The following SRGAP1 variants were observed in gnomAD, a reference collection of about 807,000 sequenced individuals.
The protein encoded by SRGAP1 is SLIT-ROBO Rho GTPase activating protein 1.
Under a neutral mutation model 121.9 loss-of-function variants are expected in SRGAP1, and 43 were observed. That is an observed-to-expected ratio of 0.35 (90% CI 0.28 to 0.46). The LOEUF is 0.46. Ranked by LOEUF, SRGAP1 falls within the 20% of genes least tolerant of loss-of-function variation. The pLI is 1.00. For missense variants in SRGAP1, 1,102 were observed against 1,350.9 expected (o/e 0.82, Z 2.89); for synonymous variants, 447 against 485.4 (o/e 0.92, Z 1.04).
intron 6 of SRGAP1, among the ~76,000 whole-genome samples, chr12:64,050,448 C>G (rs11175241): frequency 4.6e-3 from 66 of 14,462 alleles, no homozygotes; most frequent in Admixed American, 0.02. Context: ...TAGACTTTCT[C>G]TATGTCCCTA....
At chr12:63,950,997 T>A (rs1453102574) in intron 1 of SRGAP1, among the ~76,000 whole-genome samples, 1 of 116,278 alleles carries the variant, frequency 8.6e-6, no homozygotes, top group Non-Finnish European at 1.6e-5. Flanking sequence ...AATTGTCTGA[T>A]TTTTTTTTTT....
At chr12:64,132,502 A>G (rs2036800764) in intron 21 of SRGAP1, among the ~76,000 whole-genome samples, 1 of 152,242 alleles carries the variant, frequency 6.6e-6, no homozygotes, top group African/African-American at 2.4e-5. Flanking sequence ...AAATAGGCCC[A>G]CTAGGCGTTG....
chr12:64,058,742 G>T (rs1010295057), intron 6 of SRGAP1, among the ~76,000 whole-genome samples: 2 of 151,924 alleles, frequency 1.3e-5, no homozygotes, highest in African/African-American at 4.8e-5. Flanking sequence ...GAGCTCCATA[G>T]AATTACTCTA....
At chr12:64,020,838 C>T (rs1273060205) in intron 4 of SRGAP1, among the ~76,000 whole-genome samples, 18 of 118,744 alleles carry the variant, frequency 1.5e-4, no homozygotes, top group South Asian at 5.2e-4. Flanking sequence ...AGTGAGACTC[C>T]GTCTCAAAAA....
At chr12:64,033,248 T>C (rs945287576) in intron 4 of SRGAP1, among the ~76,000 whole-genome samples, 1 of 152,170 alleles carries the variant, frequency 6.6e-6, no homozygotes, top group African/African-American at 2.4e-5. Context: ...AGACAGTGTC[T>C]TTTGTTCAAA....
At chr12:63,971,763 G>GGTGT (rs148460394) in intron 1 of SRGAP1, among the ~76,000 whole-genome samples, 36 of 148,516 alleles carry the variant, frequency 2.4e-4, no homozygotes, top group Admixed American at 4.0e-4. Flanking sequence ...TGTGTGTGTG[G>GGTGT]GTGTGTGTGT....
intron 14 of SRGAP1, 128 bp from the exon 15 acceptor site, chr12:64,097,113 T>C (rs1216082117): frequency 1.0e-6 from 1 of 968,000 alleles, no homozygotes; most frequent in Admixed American, 3.5e-5. Context: ...TTTAGTACCA[T>C]ATAATCTTTC....
chr12:63,966,844 TGAC>T (rs980560890), intron 1 of SRGAP1, among the ~76,000 whole-genome samples: 1 of 152,194 alleles, frequency 6.6e-6, no homozygotes, highest in African/African-American at 2.4e-5. Flanking sequence ...ATGAGCTTGG[TGAC>T]TGTCTTCCTT....
At chr12:64,135,614 C>A (rs902353450) in intron 21 of SRGAP1, among the ~76,000 whole-genome samples, 13 of 152,140 alleles carry the variant, frequency 8.5e-5, no homozygotes, top group Admixed American at 8.5e-4. Flanking sequence ...GTCAAATGCA[C>A]GTATTTTGCA....
intron 6 of SRGAP1, among the ~76,000 whole-genome samples, chr12:64,049,049 C>T (rs1239425527): frequency 2.0e-5 from 3 of 152,064 alleles, no homozygotes; most frequent in African/African-American, 7.2e-5. Flanking sequence ...GCCTCTGCCT[C>T]TAGGGTGTTA....
At chr12:64,002,531 G>C (rs1332508832) in intron 3 of SRGAP1, among the ~76,000 whole-genome samples, 1 of 152,140 alleles carries the variant, frequency 6.6e-6, no homozygotes, top group East Asian at 1.9e-4. Flanking sequence ...TTTCAGAAGG[G>C]GTAAAGGTTG....
intron 2 of SRGAP1, among the ~76,000 whole-genome samples, chr12:63,986,137 C>T (rs2033406944): frequency 1.3e-5 from 2 of 151,316 alleles, no homozygotes; most frequent in African/African-American, 4.9e-5. Context: ...CTCCCTTTCA[C>T]TCTCTCTCTC....
At chr12:63,901,825 C>T (rs1407124029) in intron 1 of SRGAP1, among the ~76,000 whole-genome samples, 1 of 152,188 alleles carries the variant, frequency 6.6e-6, no homozygotes, top group African/African-American at 2.4e-5. Flanking sequence ...GAGTAATAAT[C>T]AAGCTTGAAC....
At chr12:63,898,879 A>AT (rs1383366985) in intron 1 of SRGAP1, among the ~76,000 whole-genome samples, 2 of 152,164 alleles carry the variant, frequency 1.3e-5, no homozygotes, top group African/African-American at 2.4e-5. Flanking sequence ...TTTGTTTTAA[A>AT]TTGGACCAGT....
At chr12:64,092,484 A>G (rs1235890867) in intron 12 of SRGAP1, among the ~76,000 whole-genome samples, 1 of 151,716 alleles carries the variant, frequency 6.6e-6, no homozygotes, top group Non-Finnish European at 1.5e-5. Flanking sequence ...ATACATACAT[A>G]CATACATACA....
rs541301483 is a variant in SRGAP1 at position 64,080,158 on chromosome 12, G to A, written c.1324-128G>A. The A allele has an allele frequency of 3.5e-4, 231 of 658,062 alleles. 3 individuals are homozygous for A. The South Asian group carries it at 4.2e-3, about 12-fold the overall frequency. 40.8% of individuals were successfully genotyped at this position (658,062 alleles called of 1,614,324 possible). A position where few individuals can be genotyped will look rare whatever the true frequency, so the allele number is the denominator to read the frequency against. On this transcript the variant is annotated intron_variant, in intron 9 of 21. Coordinates refer to ENST00000355086, the MANE Select transcript of SRGAP1 (RefSeq NM_020762.4). Reference sequence around the variant, plus strand: ...CTCAGGAGGCTGAGGCAGGAGAATCGCTTGAACCCCAGAGGAAGAGGTTGC... The same window carrying A: ...CTCAGGAGGCTGAGGCAGGAGAATCACTTGAACCCCAGAGGAAGAGGTTGC...
At chr12:64,139,534 G>A (rs186116714) in intron 21 of SRGAP1, among the ~76,000 whole-genome samples, 4,290 of 151,914 alleles carry the variant, frequency 0.028, 63 homozygotes, top group South Asian at 0.092. Flanking sequence ...CTGCATAAAT[G>A]TCTTCTTTTG....
chr12:64,031,212 G>C (rs913558458), intron 4 of SRGAP1, among the ~76,000 whole-genome samples: 1 of 151,544 alleles, frequency 6.6e-6, no homozygotes, highest in African/African-American at 2.4e-5. Context: ...CAGCTACTTG[G>C]GAGGCTGAGT....
At chr12:64,124,675 T>G (rs1377272341) in intron 18 of SRGAP1, among the ~76,000 whole-genome samples, 1 of 152,182 alleles carries the variant, frequency 6.6e-6, no homozygotes, top group Non-Finnish European at 1.5e-5. Context: ...AAACACCTCT[T>G]TGGTTGCTGA....
Sources: gnomAD v4.1 joint callset for allele counts (sites outside exome capture counted in the v4.1 genomes callset) on GRCh38, gnomAD v4.1.1 for gene constraint, MANE v1.5 for transcripts, NCBI Gene and HGNC (gene_info 2026-07-23, HGNC 2026-07-21) for gene names.